Variants in SH3GL3 observed in about 807,000 individuals in gnomAD.
SH3GL3 encodes endophilin-A3.
A neutral mutation model predicts 47.7 loss-of-function variants in SH3GL3; 33 were observed. That is an observed-to-expected ratio of 0.69 (90% CI 0.52 to 0.92). The LOEUF is 0.92. Ranked by LOEUF, SH3GL3 falls within the 40% of genes least tolerant of loss-of-function variation. The pLI is 0.00. For missense variants in SH3GL3, 363 were observed against 417.8 expected (o/e 0.87, Z 1.14); for synonymous variants, 155 against 148.8 (o/e 1.04, Z -0.30).
chr15:83,607,189 C>G (rs1596342962), intron 8 of SH3GL3, among the ~76,000 whole-genome samples: 1 of 152,176 alleles, frequency 6.6e-6, no homozygotes, highest in South Asian at 2.1e-4. Flanking sequence ...ATTTTCAAAT[C>G]TTAACATATA....
chr15:83,540,744 T>C (rs1312255544), intron 1 of SH3GL3, among the ~76,000 whole-genome samples: 2 of 152,142 alleles, frequency 1.3e-5, no homozygotes, highest in East Asian at 3.9e-4. Flanking sequence ...TCAGGGTAAA[T>C]GGGGTATTCC....
downstream of SH3GL3, among the ~76,000 whole-genome samples, chr15:83,620,909 T>A (rs373462362): frequency 1.3e-5 from 2 of 152,368 alleles, no homozygotes; most frequent in East Asian, 3.9e-4. Flanking sequence ...TCATCAATAA[T>A]CTTAGCTAGA....
chr15:83,611,705 T>G (rs2060671067), intron 8 of SH3GL3: 1 of 152,262 alleles, frequency 6.6e-6, no homozygotes, highest in South Asian at 2.1e-4. Flanking sequence ...CTGGGTAGGA[T>G]CAGTCTTTTC....
At chr15:83,580,803 G>A (rs1318202437) in intron 6 of SH3GL3, among the ~76,000 whole-genome samples, 1 of 152,142 alleles carries the variant, frequency 6.6e-6, no homozygotes, top group Non-Finnish European at 1.5e-5. Flanking sequence ...AGCCTTGCTG[G>A]CCCCAACCCT....
intron 1 of SH3GL3, among the ~76,000 whole-genome samples, chr15:83,480,746 CATTAT>C (rs1429260714): frequency 6.6e-6 from 1 of 152,154 alleles, no homozygotes; most frequent in Non-Finnish European, 1.5e-5. Flanking sequence ...TTAGCATTTA[CATTAT>C]ATTAGCTATT....
At chr15:83,584,006 G>A (rs1209041097) in intron 6 of SH3GL3, among the ~76,000 whole-genome samples, 1 of 152,058 alleles carries the variant, frequency 6.6e-6, no homozygotes, top group Non-Finnish European at 1.5e-5. Context: ...TTTCCTATTG[G>A]GGCCATAACA....
chr15:83,609,565 T>G (rs181856425), intron 8 of SH3GL3: 13 of 281,750 alleles, frequency 4.6e-5, no homozygotes, highest in South Asian at 3.3e-4. Flanking sequence ...CTTTGCCCCT[T>G]GAAATAACTA....
chr15:83,531,725 G>T (rs894434784), intron 1 of SH3GL3, among the ~76,000 whole-genome samples: 3 of 152,204 alleles, frequency 2.0e-5, no homozygotes, highest in African/African-American at 7.2e-5. Context: ...GTTCAGAGAT[G>T]AGATGACAGT....
intron 1 of SH3GL3, among the ~76,000 whole-genome samples, chr15:83,548,310 T>C (rs2044502880): frequency 6.6e-6 from 1 of 150,912 alleles, no homozygotes; most frequent in Admixed American, 6.6e-5. Flanking sequence ...TCCATTTGTT[T>C]CCATTTATAT....
At chr15:83,500,110 G>T (rs1390073304) in intron 1 of SH3GL3, among the ~76,000 whole-genome samples, 1 of 152,166 alleles carries the variant, frequency 6.6e-6, no homozygotes, top group Admixed American at 6.5e-5. Flanking sequence ...TCTGGAAGGT[G>T]CACTCACATT....
chr15:83,601,133 C>T (rs1027347195), intron 8 of SH3GL3, among the ~76,000 whole-genome samples: 3 of 152,152 alleles, frequency 2.0e-5, no homozygotes, highest in African/African-American at 7.2e-5. Flanking sequence ...ACAATTATAT[C>T]ATCAGCAAAC....
intron 1 of SH3GL3, among the ~76,000 whole-genome samples, chr15:83,450,705 CTT>C (rs71156082): frequency 0.085 from 7,027 of 82,314 alleles, 222 homozygotes; most frequent in Non-Finnish European, 0.096. Flanking sequence ...CCAAATTTTT[CTT>C]TTTTTTTTTT....
intron 8 of SH3GL3, among the ~76,000 whole-genome samples, chr15:83,597,870 A>G (rs2060274560): frequency 6.6e-6 from 1 of 152,184 alleles, no homozygotes; most frequent in South Asian, 2.1e-4. Flanking sequence ...GGCCTCCCGA[A>G]GTGCTGGGAT....
chr15:83,497,110 G>T (rs747766894), intron 1 of SH3GL3, among the ~76,000 whole-genome samples: 3 of 152,084 alleles, frequency 2.0e-5, no homozygotes, highest in Non-Finnish European at 4.4e-5. Context: ...TCTTGTAATT[G>T]TGCTGGTGTT....
At chr15:83,622,652 T>C (rs2060918147), downstream of SH3GL3, among the ~76,000 whole-genome samples, 1 of 152,230 alleles carries the variant, frequency 6.6e-6, no homozygotes, top group South Asian at 2.1e-4. Flanking sequence ...AGTGTTTGTA[T>C]GTACAGTGTT....
At chr15:83,517,636 T>C (rs1420336880) in intron 1 of SH3GL3, among the ~76,000 whole-genome samples, 1 of 152,230 alleles carries the variant, frequency 6.6e-6, no homozygotes, top group Non-Finnish European at 1.5e-5. Flanking sequence ...TTTTCTCTTT[T>C]TCAGTCTTCT....
intron 6 of SH3GL3, among the ~76,000 whole-genome samples, chr15:83,586,497 C>T (rs1352169839): frequency 2.6e-5 from 4 of 152,198 alleles, no homozygotes; most frequent in Admixed American, 2.6e-4. Flanking sequence ...TCACATGTTG[C>T]TCCCTGGCCC....
intron 1 of SH3GL3, among the ~76,000 whole-genome samples, chr15:83,500,942 G>T (rs1485095188): frequency 6.6e-6 from 1 of 152,144 alleles, no homozygotes; most frequent in East Asian, 1.9e-4. Flanking sequence ...TAGAAGACAG[G>T]GGCTACGAAG....
intron 1 of SH3GL3, among the ~76,000 whole-genome samples, chr15:83,460,545 C>T (rs1246709619): frequency 6.6e-6 from 1 of 152,130 alleles, no homozygotes; most frequent in African/African-American, 2.4e-5. Flanking sequence ...TTTGCCTTTT[C>T]AGTAAATGGC....
Sources: allele counts gnomAD v4.1 joint callset (sites outside exome capture counted in the v4.1 genomes callset), GRCh38; gene constraint gnomAD v4.1.1; transcripts MANE v1.5; gene names NCBI Gene and HGNC (gene_info 2026-07-23, HGNC 2026-07-21).